The following KAT2A variants were observed in gnomAD, a reference collection of about 807,000 sequenced individuals.
The protein encoded by KAT2A is histone acetyltransferase KAT2A.
In KAT2A, 42 loss-of-function variants were observed where a neutral mutation model predicts 95.2. That is an observed-to-expected ratio of 0.44 (90% CI 0.34 to 0.57). The LOEUF is 0.57. KAT2A is among the 20% of genes least tolerant of loss of function. KAT2A has a pLI of 0.01. For synonymous variants in KAT2A, 449 were observed against 448.2 expected (o/e 1.00, Z -0.02); for missense variants, 784 against 1,126.3 (o/e 0.70, Z 4.35).
rs2054335723 is a variant in KAT2A at position 42,121,263 on chromosome 17, C to T, written c.42G>A (p.Ala14=). ...PSQAPTPAPA[A]QPRPLQSPAP... ...CTGGGGACTGAAGGGGCCGGGGCTG[C>T]GCAGCCGGGGCCGGGGTCGGGGCCT... The change falls in exon 1 of 18, where the codon GCG becomes GCA. Residue 14 remains alanine, a synonymous_variant. Coordinates refer to ENST00000225916, the MANE Select transcript of KAT2A (RefSeq NM_021078.3). 28 of 1,362,490 alleles carry T rather than the reference C, an allele frequency of 2.1e-5. No individual in the cohort carries two copies. The highest frequency in any genetic ancestry group is 2.6e-5 in the Non-Finnish European group (28 of 1,057,568). The allele number at this position is 1,362,490 out of a possible 1,614,324, so 84.4% of individuals were successfully genotyped here.
intron 2 of KAT2A, 124 bp downstream of exon 2, chr17:42,120,582 C>A (rs139897467): frequency 8.8e-5 from 121 of 1,376,914 alleles, no homozygotes; most frequent in Admixed American, 1.6e-4. Flanking sequence ...ACACCCCCCC[C>A]CAACCCAATC....
At position 42,119,911 on chromosome 17, in the gene KAT2A, C is replaced by G. The variant is rs558956561; in HGVS notation, c.699+119G>C. 44 of 1,090,230 alleles carry G rather than the reference C, an allele frequency of 4.0e-5. No individual in the cohort carries two copies. In the East Asian group the frequency reaches 1.1e-3, roughly 26 times the overall value. 67.5% of individuals were successfully genotyped at this position (1,090,230 alleles called of 1,614,324 possible). On this transcript the variant is annotated intron_variant, in intron 4 of 17. Coordinates refer to ENST00000225916, the MANE Select transcript of KAT2A (RefSeq NM_021078.3). The surrounding 1 kb of genome is among the most constrained non-coding windows in gnomAD (Gnocchi z 5.3). ...CACCCTGAGGTTAGCACAAAACACC[C>G]TTCCTTCTCTGAACCTCCCCAGTGT...
rs2054230802 is a variant in KAT2A, at chr17:42,114,779, CCTCA to C, written c.2019+109_2019+112del. On this transcript the variant is annotated intron_variant, in intron 13 of 17. Coordinates refer to ENST00000225916, the MANE Select transcript of KAT2A (RefSeq NM_021078.3). This position sits in a 1 kb window ranked among gnomAD's most constrained non-coding sequence, Gnocchi z 6.0. ...AGAGCCAAGATCCTGGCCTGCCCCT[CCTCA>C]CTCACACACATATATGCATGTAGAC... 2 of 1,281,628 alleles carry C rather than the reference CCTCA, an allele frequency of 1.6e-6. No homozygotes were observed. Among genetic ancestry groups the C allele is most frequent in the Non-Finnish European group, 2.2e-6 (2 of 897,246 alleles). 79.4% of individuals were successfully genotyped at this position (1,281,628 alleles called of 1,614,324 possible).
In KAT2A at chr17:42,120,154, G is replaced by T. The variant is rs368219043; in HGVS notation, c.610-35C>A. ...AGAGGAAGGGGGCATAGAGGGGAGG[G>T]GGGCAGAGCTGCAGACAACCCCTCA... is the stretch of plus-strand genomic sequence containing the variant. On this transcript the variant is annotated intron_variant, in intron 3 of 17. Transcript: ENST00000225916. The T allele has an allele frequency of 3.1e-6, 5 of 1,612,752 alleles. No homozygotes were observed. In the African/African-American group the frequency reaches 6.7e-5, roughly 22 times the overall value.
rs1156776060 is a variant in KAT2A, at chr17:42,113,490, C to A, written c.*159G>T. ...GGACAGAGCTGCACGCTTGGGGGTG[C>A]CTGAAGGTCCAGAAAGAGCTGCAGG... On this transcript the variant is annotated 3_prime_UTR_variant, in exon 18 of 18. Transcript: ENST00000225916. 1.6e-6 allele frequency: 1 copy of A among 623,430 alleles called. No homozygotes were observed. Among genetic ancestry groups the A allele is most frequent in the Non-Finnish European group, 2.7e-6 (1 of 371,118 alleles). The allele number at this position is 623,430 out of a possible 1,614,324, so 38.6% of individuals were successfully genotyped here.
In KAT2A at chr17:42,120,785, G is replaced by A. The variant is rs782764812; in HGVS notation, c.384C>T (p.Pro128=). The change falls in exon 2 of 18, where the codon CCC becomes CCT. Residue 128 remains proline, a synonymous_variant. Transcript: ENST00000225916. ...GCAGATCCATGCGGGGTGCAGTGGG[G>A]GGCTTGGGGTTTTTCCAGCCATTAC... ...CKCNGWKNPK[P]PTAPRMDLQQ... 1 of 1,613,842 alleles carries A rather than the reference G, an allele frequency of 6.2e-7. No homozygotes were observed. Among genetic ancestry groups the A allele is most frequent in the Admixed American group, 1.7e-5 (1 of 59,962 alleles).
intron 12 of KAT2A, 150 bp downstream of exon 12, chr17:42,115,573 G>A: frequency 1.5e-6 from 1 of 645,318 alleles, no homozygotes; most frequent in Non-Finnish European, 2.8e-6. Context: ...AATGGCAGCA[G>A]AGGAAAGAAG....
In KAT2A at chr17:42,119,013, C is replaced by T. The variant is rs1363532978; in HGVS notation, c.1073+232G>A. ...AAACAATTAGTAACATCTACTGGGG[C>T]GTAGGGTCGGGTGGGGGCAGCGTTA... is the stretch of plus-strand genomic sequence containing the variant. On this transcript the variant is annotated intron_variant, in intron 6 of 17. Coordinates refer to ENST00000225916, the MANE Select transcript of KAT2A (RefSeq NM_021078.3). The surrounding 1 kb of genome is among the most constrained non-coding windows in gnomAD (Gnocchi z 5.3). 14 of 1,355,052 alleles carry T rather than the reference C, an allele frequency of 1.0e-5. No homozygotes were observed. Among genetic ancestry groups the T allele is most frequent in the South Asian group, 3.8e-5 (2 of 52,338 alleles). The allele number at this position is 1,355,052 out of a possible 1,614,324, so 83.9% of individuals were successfully genotyped here. A position where few individuals can be genotyped will look rare whatever the true frequency, so the allele number is the denominator to read the frequency against.
chr17:42,119,987 TC>T lies in KAT2A; in HGVS notation c.699+42del. On this transcript the variant is annotated intron_variant, in intron 4 of 17. Coordinates refer to ENST00000225916, the MANE Select transcript of KAT2A (RefSeq NM_021078.3). The surrounding 1 kb of genome is among the most constrained non-coding windows in gnomAD (Gnocchi z 5.3). ...ACAGGCTCCCCACTCCTCCAAGCTG[TC>T]CCCAATTCTCCTATCCGCTATCTCC... is the stretch of plus-strand genomic sequence containing the variant. 1 of 1,518,592 alleles carries T rather than the reference TC, an allele frequency of 6.6e-7. No individual in the cohort carries two copies. The allele number at this position is 1,518,592 out of a possible 1,614,324, so 94.1% of individuals were successfully genotyped here.
At position 42,117,767 on chromosome 17, in the gene KAT2A, G is replaced by A; in HGVS notation, c.1339C>T (p.Arg447Trp). 2.5e-6 allele frequency: 4 copies of A among 1,613,974 alleles called. No homozygotes were observed. Among genetic ancestry groups the A allele is most frequent in the South Asian group, 1.1e-5 (1 of 91,078 alleles). ...GGGATGTCACCCATCACACGGAGCC[G>A]CTTGGCATCCTCCAGGGTCAGGTTC... ...PENLTLEDAK[R>W]LRVMGDIPME... is the part of the protein sequence containing the mutation. The change falls in exon 9 of 18, where the codon CGG becomes TGG. Residue 447 changes from arginine to tryptophan, a missense_variant. By Grantham distance (101) the Arg-to-Trp change is moderately radical. Around this residue, in one of 6 missense-constraint regions of KAT2A, gnomAD observed 174 missense variants for 324.9 expected, o/e 0.54. Coordinates refer to ENST00000225916, the MANE Select transcript of KAT2A (RefSeq NM_021078.3). This position sits in a 1 kb window ranked among gnomAD's most constrained non-coding sequence, Gnocchi z 8.9.
In KAT2A at chr17:42,118,169, G is replaced by T. The variant is rs193219765; in HGVS notation, c.1180+128C>A. ...AGAGAGAGAAGGCAGGGACTGGGGG[G>T]GCTGAAGCCGGTGGCAGGTCCCTCA... On this transcript the variant is annotated intron_variant, in intron 7 of 17. Transcript: ENST00000225916. 64 of 815,704 alleles carry T rather than the reference G, an allele frequency of 7.8e-5. 1 individual carries two copies. The highest frequency in any genetic ancestry group is 2.4e-4 in the African/African-American group (14 of 58,646). The allele number at this position is 815,704 out of a possible 1,614,324, so 50.5% of individuals were successfully genotyped here. A position where few individuals can be genotyped will look rare whatever the true frequency, so the allele number is the denominator to read the frequency against.
intron 11 of KAT2A, among the ~76,000 whole-genome samples, chr17:42,116,696 C>A (rs934361353): frequency 2.6e-5 from 4 of 152,102 alleles, no homozygotes; most frequent in Admixed American, 2.6e-4. Context: ...CTCTGCACTG[C>A]GGCCTGGGTG....
At position 42,121,201 on chromosome 17, in the gene KAT2A, G is replaced by A; in HGVS notation, c.104C>T (p.Ala35Val). 7.3e-7 allele frequency: 1 copy of A among 1,360,644 alleles called. No individual in the cohort carries two copies. The highest frequency in any genetic ancestry group is 9.8e-7 in the Non-Finnish European group (1 of 1,024,266). The allele number at this position is 1,360,644 out of a possible 1,614,324, so 84.3% of individuals were successfully genotyped here. Reference sequence around the variant, plus strand: ...GGTGGGAGTCGGAATCGGGGCTGAAGCCGGGCTGGGTGCAGGAGTCGGAGT... The same window carrying A: ...GGTGGGAGTCGGAATCGGGGCTGAAACCGGGCTGGGTGCAGGAGTCGGAGT... ...APTPTPAPSP[A>V]SAPIPTPTPA... The change falls in exon 1 of 18, where the codon GCT becomes GTT. Residue 35 changes from alanine to valine, a missense_variant. Around this residue, in one of 6 missense-constraint regions of KAT2A, gnomAD observed 142 missense variants for 123.2 expected, o/e 1.15. Coordinates refer to ENST00000225916, the MANE Select transcript of KAT2A (RefSeq NM_021078.3).
In KAT2A at chr17:42,114,686, C is replaced by T. The variant is rs2054229130; in HGVS notation, c.2020-82G>A. The T allele has an allele frequency of 3.0e-6, 4 of 1,323,170 alleles. No individual in the cohort carries two copies. The highest frequency in any genetic ancestry group is 3.6e-5 in the Admixed American group (2 of 55,636). The allele number at this position is 1,323,170 out of a possible 1,614,324, so 82.0% of individuals were successfully genotyped here. ...GGGCCACAGTCGGAGCCACTGGCTG[C>T]ACCCACCCAGCTGCAACGCCACCTA... On this transcript the variant is annotated intron_variant, in intron 13 of 17. Coordinates refer to ENST00000225916, the MANE Select transcript of KAT2A (RefSeq NM_021078.3). The surrounding 1 kb of genome is among the most constrained non-coding windows in gnomAD (Gnocchi z 6.0).
In KAT2A at chr17:42,117,026, C is replaced by T. The variant is rs367742761; in HGVS notation, c.1764+9G>A. 5.5e-5 allele frequency: 89 copies of T among 1,613,458 alleles called. No homozygotes were observed. The highest frequency in any genetic ancestry group is 2.7e-5 in the African/African-American group (2 of 74,948). On this transcript the variant is annotated intron_variant, in intron 11 of 17. Coordinates refer to ENST00000225916, the MANE Select transcript of KAT2A (RefSeq NM_021078.3). The surrounding 1 kb of genome is among the most constrained non-coding windows in gnomAD (Gnocchi z 8.9). ...TGGACTGGGGCTGGGGCCGGGGAGC[C>T]GCGCTCACCTTGACCTGCTCATTCG... is the stretch of plus-strand genomic sequence containing the variant.
Position 42,117,501 on chromosome 17 carries a change from CAGT to C in KAT2A, c.1521_1523del (p.Leu508del). On this transcript the variant is annotated inframe_deletion, in exon 10 of 18. Transcript: ENST00000225916. This position sits in a 1 kb window ranked among gnomAD's most constrained non-coding sequence, Gnocchi z 8.9. Reference sequence around the variant, plus strand: ...ACACCCGCCGGTTGGCCTTGGGCGTCAGTGAGTTGCCGATGACATGGAACTCGA... The same window carrying C: ...ACACCCGCCGGTTGGCCTTGGGCGTCGAGTTGCCGATGACATGGAACTCGA... 2.5e-6 allele frequency: 4 copies of C among 1,613,734 alleles called. No homozygotes were observed. Among genetic ancestry groups the C allele is most frequent in the Non-Finnish European group, 3.4e-6 (4 of 1,180,044 alleles).
intron 7 of KAT2A, 139 bp downstream of exon 7, chr17:42,118,158 G>A (rs2054289029): frequency 1.3e-6 from 1 of 786,320 alleles, no homozygotes; most frequent in East Asian, 2.6e-5. Flanking sequence ...AGAGAAGGCA[G>A]GGACTGGGGG....
chr17:42,113,951 G>T, intron 17 of KAT2A, 49 bp downstream of exon 17: 1 of 1,486,678 alleles, frequency 6.7e-7, no homozygotes, highest in Non-Finnish European at 9.0e-7. Context: ...GGCAGGAGCA[G>T]GTGTGGGGAC....
rs1373322503 is a variant in KAT2A at position 42,113,141 on chromosome 17, T to G, written c.*508A>C. 1 of 153,592 alleles carries G rather than the reference T, an allele frequency of 6.5e-6. No homozygotes were observed. Among genetic ancestry groups the G allele is most frequent in the Non-Finnish European group, 1.5e-5 (1 of 68,652 alleles). The allele number at this position is 153,592 out of a possible 1,614,324, so 9.5% of individuals were successfully genotyped here. On this transcript the variant is annotated 3_prime_UTR_variant, in exon 18 of 18. Coordinates refer to ENST00000225916, the MANE Select transcript of KAT2A (RefSeq NM_021078.3). ...AGAAATAAAAAGCTTTATTATTCCCTCTAAGGGATTAATGCCAGGGAATGA... is the reference window on the plus strand; with the variant it reads ...AGAAATAAAAAGCTTTATTATTCCCGCTAAGGGATTAATGCCAGGGAATGA...
Sources: gnomAD v4.1 joint callset for allele counts (sites outside exome capture counted in the v4.1 genomes callset) on GRCh38, gnomAD v4.1.1 for gene constraint, gnomAD v4.1.1 regional missense constraint, Gnocchi (gnomAD v3.1) non-coding constraint, MANE v1.5 for transcripts, NCBI Gene and HGNC (gene_info 2026-07-23, HGNC 2026-07-21) for gene names.